RRM1: variants seen among roughly 807,000 people sequenced by gnomAD.
RRM1 encodes the protein ribonucleoside-diphosphate reductase large subunit.
Under a neutral mutation model 101.5 loss-of-function variants are expected in RRM1, and 19 were observed. The observed-to-expected ratio is 0.19, with a 90% CI of 0.13 to 0.27. The LOEUF (loss-of-function observed/expected upper bound fraction) is 0.27, where lower values mean the gene tolerates loss of function less well. Among genes scored for constraint, RRM1 ranks in the 10% least tolerant of loss-of-function variants. RRM1 has a pLI of 1.00. For synonymous variants in RRM1, 298 were observed against 323.4 expected, an observed-to-expected ratio of 0.92 and a Z score of 0.84; for missense variants, 500 against 962.9, an observed-to-expected ratio of 0.52 and a Z score of 6.36.
chr11:4,109,601 AATT>A (rs1281411363), intron 4 of RRM1, 40 bp from the exon 5 acceptor site: 1 of 1,509,634 alleles, frequency 6.6e-7, no homozygotes, highest in East Asian at 2.3e-5. Context: ...GAAAATAAGT[AATT>A]ATTTTAATTT....
intron 14 of RRM1, among the ~76,000 whole-genome samples, chr11:4,128,298 G>C (rs532700361): frequency 6.6e-6 from 1 of 152,042 alleles, no homozygotes; most frequent in South Asian, 2.1e-4. Context: ...AGTTAGTAGA[G>C]ATGGGGTTTT....
At chr11:4,099,943 T>C (rs374175226) in intron 1 of RRM1, among the ~76,000 whole-genome samples, 44 of 151,476 alleles carry the variant, frequency 2.9e-4, no homozygotes, top group African/African-American at 5.1e-4. Flanking sequence ...TAAGTTGCTT[T>C]CCCCCCCCAC....
In RRM1 at chr11:4,135,220, G is replaced by A. The variant is rs1287567651; in HGVS notation, c.2140G>A (p.Glu714Lys). 1 of 1,613,324 alleles carries A rather than the reference G, an allele frequency of 6.2e-7. No homozygotes were observed. Among genetic ancestry groups the A allele is most frequent in the Non-Finnish European group, 8.5e-7 (1 of 1,179,610 alleles). ...CCAATCTTTGAACATCCACATTGCT[G>A]AGCCTAACTATGGCAAACTCACTAG... ...QSQSLNIHIA[E>K]PNYGKLTSMH... The change falls in exon 18 of 19, where the codon GAG becomes AAG. Residue 714 changes from glutamate (E) to lysine (K), a missense_variant. By Grantham distance (56) the Glu-to-Lys change is moderately conservative. This residue lies in a region of RRM1 where 79 missense variants were observed against 176.4 expected (regional missense o/e 0.45). Coordinates refer to ENST00000300738, the MANE Select transcript of RRM1 (RefSeq NM_001033.5).
rs72555759 is a variant in RRM1 at position 4,095,151 on chromosome 11, C to T, written c.19+120C>T. The T allele has an allele frequency of 2.4e-5, 30 of 1,225,236 alleles. No homozygotes were observed. In the African/African-American group the frequency reaches 3.6e-4, roughly 15 times the overall value. The allele number at this position is 1,225,236 out of a possible 1,614,324, so 75.9% of individuals were successfully genotyped here. ...CTTCCCGCCTTTCCCGCATTTCCCG[C>T]CGCGGCCTTCCGCCCTGTCAGCCCG... On this transcript the variant is annotated intron_variant, in intron 1 of 18. Transcript: ENST00000300738.
At position 4,123,267 on chromosome 11, in the gene RRM1, C is replaced by T. The variant is rs72555789; in HGVS notation, c.1203C>T (p.Gly401=). The T allele has an allele frequency of 1.2e-6, 2 of 1,613,924 alleles. No homozygotes were observed. Among genetic ancestry groups the T allele is most frequent in the East Asian group, 4.5e-5 (2 of 44,890 alleles). Residue 401 remains glycine (G), a synonymous_variant, in exon 12 of 19, where the codon GGC becomes GGT. Transcript: ENST00000300738. ...TCATTGAGTCTCAGACGGAAACAGG[C>T]ACCCCGTATATGCTCTACAAAGATT... ...YAIIESQTET[G]TPYMLYKDSC...
rs1416187795 is a variant in RRM1, at chr11:4,107,618, A to G, written c.387+83A>G. The G allele has an allele frequency of 3.8e-6, 3 of 785,448 alleles. No individual in the cohort carries two copies. The East Asian group carries it at 7.4e-5, about 19-fold the overall frequency. 48.7% of individuals were successfully genotyped at this position (785,448 alleles called of 1,614,324 possible). On this transcript the variant is annotated intron_variant, in intron 4 of 18. Transcript: ENST00000300738. ...CATTTTAGAAAATTTAAACACTGCA[A>G]AAGATACAGGTAAATACTAATTCTG...
chr11:4,135,801 T>C (rs2094608639), intron 18 of RRM1, among the ~76,000 whole-genome samples: 1 of 151,932 alleles, frequency 6.6e-6, no homozygotes, highest in Middle Eastern at 3.2e-3. Context: ...TTGGATTATG[T>C]TCTTATTCCC....
chr11:4,126,674 TGCA>T lies in RRM1; in HGVS notation c.1321-9_1321-7del, dbSNP rs1254370820. ...ATTGTGTGATTCTTGACCTGTTTTT[TGCA>T]TTCCAGGTTGCTGTTTGTAATTTGG... On this transcript the variant is annotated splice_polypyrimidine_tract_variant and splice_region_variant and intron_variant, in intron 12 of 18. Transcript: ENST00000300738. 3.1e-6 allele frequency: 5 copies of T among 1,602,630 alleles called. No individual in the cohort carries two copies. The Admixed American group carries it at 6.9e-5, about 22-fold the overall frequency.
chr11:4,122,921 T>C (rs1367068245), intron 11 of RRM1, among the ~76,000 whole-genome samples: 1 of 151,972 alleles, frequency 6.6e-6, no homozygotes, highest in South Asian at 2.1e-4. Context: ...GAGATTTGGC[T>C]TCCTTAGTTT....
intron 18 of RRM1, chr11:4,137,163 C>G (rs1451528432): frequency 8.1e-6 from 2 of 246,074 alleles, no homozygotes; most frequent in East Asian, 1.5e-4. Flanking sequence ...TCTCCCGTGT[C>G]TACTTCTTTC....
intron 15 of RRM1, among the ~76,000 whole-genome samples, chr11:4,130,475 C>A (rs2094598257): frequency 6.6e-6 from 1 of 152,014 alleles, no homozygotes; most frequent in Admixed American, 6.6e-5. Context: ...GTGGGTGGAT[C>A]ACTTGAGGTC....
At chr11:4,109,724 ATG>A (rs1565181509) in intron 5 of RRM1, 21 bp downstream of exon 5, 1 of 1,555,464 alleles carries the variant, frequency 6.4e-7, no homozygotes, top group East Asian at 2.3e-5. Flanking sequence ...GGTTTCAAGT[ATG>A]TGGGAATTTA....
rs1414475718 is a variant in RRM1, at chr11:4,133,538, A to C, written c.1906-25A>C. On this transcript the variant is annotated intron_variant, in intron 16 of 18. Coordinates refer to ENST00000300738, the MANE Select transcript of RRM1 (RefSeq NM_001033.5). ...AGCAGTCACTGTTATTTATTTCTTC[A>C]TACATTTTCTGCTTTTCCATTCAGA... The C allele has an allele frequency of 2.1e-6, 3 of 1,417,406 alleles. No individual in the cohort carries two copies. The Admixed American group carries it at 5.2e-5, about 25-fold the overall frequency. The allele number at this position is 1,417,406 out of a possible 1,614,324, so 87.8% of individuals were successfully genotyped here.
At chr11:4,128,440 G>A (rs959266663) in intron 14 of RRM1, among the ~76,000 whole-genome samples, 2 of 152,038 alleles carry the variant, frequency 1.3e-5, no homozygotes, top group Non-Finnish European at 2.9e-5. Flanking sequence ...ACTCAGAATC[G>A]GCTGATTTGC....
chr11:4,131,375 A>G (rs1350959196), intron 15 of RRM1, among the ~76,000 whole-genome samples: 1 of 152,202 alleles, frequency 6.6e-6, no homozygotes, highest in Non-Finnish European at 1.5e-5. Context: ...GACACAGCCA[A>G]ACTATATCCA....
chr11:4,129,987 T>G (rs1442397499), intron 15 of RRM1, among the ~76,000 whole-genome samples: 1 of 148,906 alleles, frequency 6.7e-6, no homozygotes, highest in Non-Finnish European at 1.5e-5. Flanking sequence ...TGTCATCCTT[T>G]AGGTTTTCTT....
chr11:4,095,445 GT>G (rs1194477286), intron 1 of RRM1, among the ~76,000 whole-genome samples: 1 of 152,206 alleles, frequency 6.6e-6, no homozygotes, highest in African/African-American at 2.4e-5. Flanking sequence ...TGACAATACG[GT>G]TTGATTTGAA....
At chr11:4,097,996 A>T (rs1284391432) in intron 1 of RRM1, among the ~76,000 whole-genome samples, 1 of 152,210 alleles carries the variant, frequency 6.6e-6, no homozygotes, top group African/African-American at 2.4e-5. Context: ...ATGGGAGAGT[A>T]TCATTCCTCA....
At position 4,138,217 on chromosome 11, in the gene RRM1, A is replaced by G. The variant is rs1204063214; in HGVS notation, c.2213A>G (p.Tyr738Cys). Residue 738 changes from tyrosine to cysteine, a missense_variant, in exon 19 of 19, where the codon TAT becomes TGT. Transcript: ENST00000300738. ...TAGGGTTTGAAGACTGGGATGTATT[A>G]TTTAAGGACAAGACCAGCGGCTAAT... ...WKQGLKTGMY[Y>C]LRTRPAANPI... is the part of the protein sequence containing the mutation. 1 of 1,585,268 alleles carries G rather than the reference A, an allele frequency of 6.3e-7. No homozygotes were observed. The highest frequency in any genetic ancestry group is 8.6e-7 in the Non-Finnish European group (1 of 1,157,258).
Sources: allele counts gnomAD v4.1 joint callset (sites outside exome capture counted in the v4.1 genomes callset), GRCh38; gene constraint gnomAD v4.1.1; regional missense constraint gnomAD v4.1.1; transcripts MANE v1.5; gene names NCBI Gene and HGNC (gene_info 2026-07-23, HGNC 2026-07-21).